The following PARD3 variants were observed in gnomAD, a reference collection of about 807,000 sequenced individuals.
PARD3 encodes par-3 family cell polarity regulator, also known as partitioning defective 3 homolog.
A neutral mutation model predicts 155.4 loss-of-function variants in PARD3; 75 were observed. That is an observed-to-expected ratio of 0.48 (90% CI 0.40 to 0.58). The LOEUF (loss-of-function observed/expected upper bound fraction) is 0.58. PARD3 is among the 20% of genes least tolerant of loss of function. The pLI is 0.00. For missense variants in PARD3, 1,642 were observed against 1,721.7 expected, an observed-to-expected ratio of 0.95 and a Z score of 0.82; for synonymous variants, 576 against 610.5, an observed-to-expected ratio of 0.94 and a Z score of 0.83.
At chr10:34,427,713 C>T (rs988174811) in intron 5 of PARD3, among the ~76,000 whole-genome samples, 1 of 152,140 alleles carries the variant, frequency 6.6e-6, no homozygotes, top group Admixed American at 6.5e-5. Context: ...GGGGGCATCA[C>T]GGAACCTGCC....
At chr10:34,511,816 C>T (rs915829769) in intron 3 of PARD3, among the ~76,000 whole-genome samples, 1 of 152,178 alleles carries the variant, frequency 6.6e-6, no homozygotes, top group African/African-American at 2.4e-5. Flanking sequence ...ACCTTGATCT[C>T]CCAGGCTCAA....
chr10:34,418,270 G>T (rs937193739), intron 5 of PARD3, among the ~76,000 whole-genome samples: 6 of 152,082 alleles, frequency 3.9e-5, no homozygotes, highest in Admixed American at 2.6e-4. Flanking sequence ...GACCTCCTGG[G>T]TTCAAGTGAT....
At chr10:34,468,904 G>A (rs965051524) in intron 4 of PARD3, among the ~76,000 whole-genome samples, 1 of 152,128 alleles carries the variant, frequency 6.6e-6, no homozygotes, top group Non-Finnish European at 1.5e-5. Flanking sequence ...TTCATCTTAT[G>A]TGATTAGTAT....
chr10:34,196,988 A>G (rs1297042193), intron 22 of PARD3, among the ~76,000 whole-genome samples: 1 of 152,076 alleles, frequency 6.6e-6, no homozygotes, highest in Non-Finnish European at 1.5e-5. Flanking sequence ...CATCCACCTC[A>G]CGAAATGGCT....
intron 22 of PARD3, among the ~76,000 whole-genome samples, chr10:34,231,444 T>A (rs1038359655): frequency 6.6e-6 from 1 of 151,962 alleles, no homozygotes; most frequent in Non-Finnish European, 1.5e-5. Flanking sequence ...ATTCCAAACC[T>A]CGACATTCAA....
At chr10:34,516,941 T>C in intron 3 of PARD3, 38 bp downstream of exon 3, 1 of 1,582,198 alleles carries the variant, frequency 6.3e-7, no homozygotes, top group African/African-American at 1.3e-5. Flanking sequence ...TCCTGTAAAT[T>C]AAGATGAAAT....
At chr10:34,612,017 G>A (rs974769946) in intron 2 of PARD3, among the ~76,000 whole-genome samples, 1 of 147,584 alleles carries the variant, frequency 6.8e-6, no homozygotes, top group African/African-American at 2.5e-5. Flanking sequence ...TAGTAGAGAC[G>A]GGGTTTCACC....
chr10:34,277,618 C>T (rs1191538555), intron 21 of PARD3, among the ~76,000 whole-genome samples: 1 of 152,006 alleles, frequency 6.6e-6, no homozygotes, highest in Non-Finnish European at 1.5e-5. Flanking sequence ...TTTCCAATTC[C>T]AGGGAAGAAT....
intron 2 of PARD3, among the ~76,000 whole-genome samples, chr10:34,597,438 T>C (rs998905658): frequency 6.6e-6 from 1 of 151,862 alleles, no homozygotes; most frequent in Non-Finnish European, 1.5e-5. Context: ...ACTATTATTA[T>C]TATTTTTGAG....
chr10:34,724,316 A>G (rs115546549), intron 1 of PARD3, among the ~76,000 whole-genome samples: 1,624 of 152,226 alleles, frequency 0.011, 27 homozygotes, highest in African/African-American at 0.037. Context: ...AGTCATGCCC[A>G]TTTTTAAAAG....
At chr10:34,541,663 A>G (rs2083620453) in intron 2 of PARD3, among the ~76,000 whole-genome samples, 1 of 152,176 alleles carries the variant, frequency 6.6e-6, no homozygotes, top group Admixed American at 6.5e-5. Context: ...AACTGCAGCT[A>G]ATTTTTAAGT....
rs780644226 is a variant in PARD3 at position 34,660,475 on chromosome 10, T to C, written c.222+35843A>G. Among the ~76,000 whole-genome samples the C allele has an allele frequency of 1.6e-4, 24 of 152,212 alleles. No individual in the cohort carries two copies. In the East Asian group the frequency reaches 4.2e-3, roughly 27 times the overall value. On this transcript the variant is annotated intron_variant, in intron 2 of 24. Coordinates refer to ENST00000374788, the MANE Select transcript of PARD3 (RefSeq NM_001184785.2). ...GTATTTTCAAAGGAGCTTACACAGA[T>C]GTATGTCACTGTGCACGGGGCTGCA...
intron 1 of PARD3, among the ~76,000 whole-genome samples, chr10:34,735,390 G>A (rs2094895821): frequency 6.6e-6 from 1 of 152,108 alleles, no homozygotes; most frequent in Non-Finnish European, 1.5e-5. Context: ...AGATATTATG[G>A]AATATGCAAT....
chr10:34,372,646 A>T (rs1840807634), intron 11 of PARD3, 110 bp from the exon 12 acceptor site: 2 of 777,248 alleles, frequency 2.6e-6, no homozygotes, highest in South Asian at 3.0e-5. Flanking sequence ...TAAAATCCAC[A>T]AAATATATAA....
At chr10:34,636,663 T>C (rs952072547) in intron 2 of PARD3, among the ~76,000 whole-genome samples, 5 of 152,152 alleles carry the variant, frequency 3.3e-5, no homozygotes, top group Admixed American at 1.3e-4. Flanking sequence ...TTAGAATAAA[T>C]TGATTTCCTT....
intron 3 of PARD3, among the ~76,000 whole-genome samples, chr10:34,472,628 T>C (rs1467979344): frequency 6.6e-6 from 1 of 152,168 alleles, no homozygotes; most frequent in Non-Finnish European, 1.5e-5. Context: ...CCTCCATTTC[T>C]CTCCCTCTTC....
chr10:34,757,879 G>T (rs1836952837), intron 1 of PARD3, among the ~76,000 whole-genome samples: 1 of 152,090 alleles, frequency 6.6e-6, no homozygotes, highest in South Asian at 2.1e-4. Context: ...CCTTGCACTG[G>T]AAGGGTTCTG....
intron 1 of PARD3, among the ~76,000 whole-genome samples, chr10:34,814,537 G>A (rs572912141): frequency 1.3e-5 from 2 of 152,116 alleles, no homozygotes; most frequent in South Asian, 4.1e-4. Flanking sequence ...GCGCTGGCTC[G>A]GGGCTTGGCT....
intron 22 of PARD3, among the ~76,000 whole-genome samples, chr10:34,193,228 T>C (rs902807855): frequency 1.3e-5 from 2 of 152,236 alleles, no homozygotes; most frequent in East Asian, 1.9e-4. Context: ...CTAGTGAGGA[T>C]TGCTTATTTG....
Sources: gnomAD v4.1 joint callset for allele counts (sites outside exome capture counted in the v4.1 genomes callset) on GRCh38, gnomAD v4.1.1 for gene constraint, MANE v1.5 for transcripts, NCBI Gene and HGNC (gene_info 2026-07-23, HGNC 2026-07-21) for gene names.